Variants in PLEKHB2 observed in about 807,000 individuals in gnomAD.
PLEKHB2 encodes the protein pleckstrin homology domain containing B2.
In PLEKHB2, 31 loss-of-function variants were observed where a neutral mutation model predicts 36.5. That is an observed-to-expected ratio of 0.85 (90% CI 0.64 to 1.15). The LOEUF (loss-of-function observed/expected upper bound fraction) is 1.15, where lower values mean the gene tolerates loss of function less well. PLEKHB2 is among the 50% of genes most tolerant of loss of function. The probability of loss-of-function intolerance (pLI) is 0.00; values close to 1 mark genes in which losing one functional copy is unlikely to be tolerated. For synonymous variants in PLEKHB2, 119 were observed against 112.0 expected (o/e 1.06, Z -0.39); for missense variants, 262 against 295.3 (o/e 0.89, Z 0.83).
intron 4 of PLEKHB2, among the ~76,000 whole-genome samples, chr2:131,129,397 A>C (rs1697437431): frequency 6.6e-6 from 1 of 150,744 alleles, no homozygotes; most frequent in South Asian, 2.1e-4. Context: ...CTTTCAACTC[A>C]GGGAGATAGT....
At chr2:131,117,499 C>T (rs1010450861) in intron 1 of PLEKHB2, among the ~76,000 whole-genome samples, 2 of 152,190 alleles carry the variant, frequency 1.3e-5, no homozygotes, top group African/African-American at 4.8e-5. Context: ...TTTATATTCA[C>T]TGTGTCCTGT....
intron 1 of PLEKHB2, chr2:131,118,867 C>CAAAAAAAA (rs138450500): frequency 6.6e-5 from 3 of 45,218 alleles, no homozygotes; most frequent in South Asian, 1.6e-3. Context: ...GATTCCGTCT[C>CAAAAAAAA]AAAAAAAAAA....
At position 131,148,755 on chromosome 2, in the gene PLEKHB2, A is replaced by G. The variant is rs1032130429; in HGVS notation, c.*1982A>G. ...GTCTGTTTATCTCTCATCTCTGAAT[A>G]GATGTATGACAACTCTAGTGTCCAT... On this transcript the variant is annotated 3_prime_UTR_variant, in exon 8 of 8. Coordinates refer to ENST00000693505, the MANE Select transcript of PLEKHB2 (RefSeq NM_001100623.2). The G allele has an allele frequency of 6.6e-6, 1 of 152,214 alleles. No individual in the cohort carries two copies. The highest frequency in any genetic ancestry group is 1.5e-5 in the Non-Finnish European group (1 of 68,040). 9.4% of individuals were successfully genotyped at this position (152,214 alleles called of 1,614,324 possible).
In PLEKHB2 at chr2:131,132,811, T is replaced by G. The variant is rs904288695; in HGVS notation, c.334-91T>G. The G allele has an allele frequency of 5.0e-5, 37 of 741,534 alleles. No individual in the cohort carries two copies. The African/African-American group carries it at 6.1e-4, about 12-fold the overall frequency. 45.9% of individuals were successfully genotyped at this position (741,534 alleles called of 1,614,324 possible). A position where few individuals can be genotyped will look rare whatever the true frequency, so the allele number is the denominator to read the frequency against. On this transcript the variant is annotated intron_variant, in intron 5 of 7. Transcript: ENST00000693505. ...TGTATCTTTTTGTTTTTTTAAATTT[T>G]TAATTTGCTAAATAAAAGGGACAAT... is the stretch of plus-strand genomic sequence containing the variant.
At position 131,139,250 on chromosome 2, in the gene PLEKHB2, C is replaced by T. The variant is rs192676593; in HGVS notation, c.424-917C>T. On this transcript the variant is annotated intron_variant, in intron 6 of 7. Coordinates refer to ENST00000693505, the MANE Select transcript of PLEKHB2 (RefSeq NM_001100623.2). ...AAGCAAAAAGGAAACCCAGGTCCTCCCTCAGGTGCTAAAGTTCCTCTCCCG... is the reference window on the plus strand; with the variant it reads ...AAGCAAAAAGGAAACCCAGGTCCTCTCTCAGGTGCTAAAGTTCCTCTCCCG... Among the ~76,000 whole-genome samples the T allele has an allele frequency of 9.1e-4, 138 of 152,248 alleles. 1 individual carries two copies. Among genetic ancestry groups the T allele is most frequent in the African/African-American group, 3.0e-3 (124 of 41,538 alleles).
At chr2:131,140,401 A>G in intron 7 of PLEKHB2, 126 bp downstream of exon 7, 1 of 599,000 alleles carries the variant, frequency 1.7e-6, no homozygotes. Flanking sequence ...GTAGACTACA[A>G]ATCACTCTGT....
intron 1 of PLEKHB2, among the ~76,000 whole-genome samples, chr2:131,119,970 CT>C (rs1212612084): frequency 2.1e-3 from 282 of 136,686 alleles, no homozygotes; most frequent in Admixed American, 2.4e-3. Context: ...TCTTCTTCTT[CT>C]TTTTTTTTTT....
At chr2:131,140,501 G>T (rs188952679) in intron 7 of PLEKHB2, among the ~76,000 whole-genome samples, 3,275 of 152,284 alleles carry the variant, frequency 0.022, 120 homozygotes, top group African/African-American at 0.074. Context: ...TTTGTGTGTA[G>T]ATTAGTTCTC....
intron 1 of PLEKHB2, among the ~76,000 whole-genome samples, chr2:131,113,860 G>GA (rs1288939948): frequency 1.3e-5 from 2 of 152,106 alleles, no homozygotes; most frequent in Non-Finnish European, 2.9e-5. Context: ...TGGGTAGGGT[G>GA]CCTAGTGACC....
chr2:131,146,625 C>T lies in PLEKHB2; in HGVS notation c.533-12C>T. On this transcript the variant is annotated splice_polypyrimidine_tract_variant and intron_variant, in intron 7 of 7. Coordinates refer to ENST00000693505, the MANE Select transcript of PLEKHB2 (RefSeq NM_001100623.2). ...CGCTGCTCAGAAATCTGCTATTTTC[C>T]TTCTCTTTTAGGACTTTATGGACAG... 6.3e-7 allele frequency: 1 copy of T among 1,599,960 alleles called. No individual in the cohort carries two copies.
At chr2:131,130,690 TTAAA>T (rs1697583730) in intron 4 of PLEKHB2, 27 bp from the exon 5 acceptor site, 1 of 1,545,498 alleles carries the variant, frequency 6.5e-7, no homozygotes, top group Non-Finnish European at 8.9e-7. Flanking sequence ...TTGGATTGCC[TTAAA>T]TAAAGTACCC....
chr2:131,107,172 T>C (rs1219012764), intron 1 of PLEKHB2, among the ~76,000 whole-genome samples: 1 of 152,230 alleles, frequency 6.6e-6, no homozygotes, highest in Non-Finnish European at 1.5e-5. Context: ...ACCTTATTAA[T>C]AACAGTAACT....
In PLEKHB2 at chr2:131,115,439, C is replaced by T. The variant is rs547013723; in HGVS notation, c.-8-5495C>T. Among the ~76,000 whole-genome samples, 13 of 146,912 alleles carry T rather than the reference C, an allele frequency of 8.8e-5. No individual in the cohort carries two copies. The South Asian group carries it at 1.7e-3, about 20-fold the overall frequency. On this transcript the variant is annotated intron_variant, in intron 1 of 7. Coordinates refer to ENST00000693505, the MANE Select transcript of PLEKHB2 (RefSeq NM_001100623.2). ...CATGATCTTGACTCACTGCAGTCTCCGCCTCCCGGGATCAAGTGATTCTTC... is the reference window on the plus strand; with the variant it reads ...CATGATCTTGACTCACTGCAGTCTCTGCCTCCCGGGATCAAGTGATTCTTC...
chr2:131,110,666 C>T (rs1695213943), intron 1 of PLEKHB2, among the ~76,000 whole-genome samples: 1 of 152,136 alleles, frequency 6.6e-6, no homozygotes, highest in African/African-American at 2.4e-5. Context: ...AGCCACCATG[C>T]CTGGCCTTGA....
intron 6 of PLEKHB2, among the ~76,000 whole-genome samples, chr2:131,134,898 G>A (rs1193426879): frequency 6.6e-6 from 1 of 151,996 alleles, no homozygotes; most frequent in Non-Finnish European, 1.5e-5. Context: ...TTTTTCATCA[G>A]CATTTTGAGG....
intron 6 of PLEKHB2, among the ~76,000 whole-genome samples, chr2:131,136,276 G>A (rs1698248533): frequency 6.7e-6 from 1 of 150,000 alleles, no homozygotes; most frequent in Admixed American, 6.6e-5. Context: ...GCCCAGGATG[G>A]AGTGCAGTGG....
intron 7 of PLEKHB2, among the ~76,000 whole-genome samples, chr2:131,145,426 C>G (rs867311863): frequency 6.6e-6 from 1 of 152,116 alleles, no homozygotes; most frequent in African/African-American, 2.4e-5. Context: ...CTGCAGCCCC[C>G]GCCTCCCAGG....
intron 1 of PLEKHB2, among the ~76,000 whole-genome samples, chr2:131,117,114 C>T (rs113002734): frequency 0.023 from 3,374 of 149,824 alleles, 123 homozygotes; most frequent in African/African-American, 0.078. Flanking sequence ...AGCTAAACTC[C>T]GTCCAAAAAA....
At position 131,148,224 on chromosome 2, in the gene PLEKHB2, C is replaced by T. The variant is rs1699440657; in HGVS notation, c.*1451C>T. ...CAGGACCCCCAGCTTTGCTTTTGTTCTTGATCTCTTTGTGATAGAGAAGCT... is the reference window on the plus strand; with the variant it reads ...CAGGACCCCCAGCTTTGCTTTTGTTTTTGATCTCTTTGTGATAGAGAAGCT... On this transcript the variant is annotated 3_prime_UTR_variant, in exon 8 of 8. Transcript: ENST00000693505. The T allele has an allele frequency of 6.6e-6, 1 of 152,170 alleles. No individual in the cohort carries two copies. The highest frequency in any genetic ancestry group is 6.6e-5 in the Admixed American group (1 of 15,266). The allele number at this position is 152,170 out of a possible 1,614,324, so 9.4% of individuals were successfully genotyped here.
Sources: allele counts gnomAD v4.1 joint callset (sites outside exome capture counted in the v4.1 genomes callset), GRCh38; gene constraint gnomAD v4.1.1; transcripts MANE v1.5; gene names NCBI Gene and HGNC (gene_info 2026-07-23, HGNC 2026-07-21).